Variants in NPSR1 observed in about 807,000 individuals in gnomAD.
The protein encoded by NPSR1 is neuropeptide S receptor 1, also known as neuropeptide S receptor.
NPSR1 carries 48 observed loss-of-function variants against 46.9 expected under a neutral mutation model. The ratio of observed to expected loss-of-function variants is 1.02; its 90% CI spans 0.81 to 1.30. The LOEUF is 1.30. Among genes scored for constraint, NPSR1 ranks in the 50% most tolerant of loss-of-function variants. The pLI is 0.00. For synonymous variants in NPSR1, 176 were observed against 168.1 expected (o/e 1.05, Z -0.36); for missense variants, 450 against 449.5 (o/e 1.00, Z -0.01).
At chr7:34,798,068 C>T (rs1258180402) in intron 3 of NPSR1, among the ~76,000 whole-genome samples, 1 of 151,936 alleles carries the variant, frequency 6.6e-6, no homozygotes, top group African/African-American at 2.4e-5. Context: ...AAATAATAAG[C>T]ACAAATCAAT....
chr7:34,765,260 G>A (rs1022633006), intron 2 of NPSR1, among the ~76,000 whole-genome samples: 3 of 152,070 alleles, frequency 2.0e-5, no homozygotes, highest in African/African-American at 7.2e-5. Flanking sequence ...AAATGCATGA[G>A]ACTCAAAAAG....
chr7:34,852,857 G>A (rs1396880657), downstream of NPSR1, among the ~76,000 whole-genome samples: 3 of 152,138 alleles, frequency 2.0e-5, no homozygotes, highest in African/African-American at 7.2e-5. Flanking sequence ...AAATTTAGGA[G>A]AGCCAGAGTA....
Position 34,790,825 on chromosome 7 carries a change from TTA to T in NPSR1, c.384+12264_384+12265del, listed in dbSNP as rs1787742879. ...GGTTATATGTTATATATGTTATAGGTTATATGTTATGTTATATATATGTTATA... is the reference window on the plus strand; with the variant it reads ...GGTTATATGTTATATATGTTATAGGTTATGTTATGTTATATATATGTTATA... On this transcript the variant is annotated intron_variant, in intron 3 of 8. Coordinates refer to ENST00000360581, the MANE Select transcript of NPSR1 (RefSeq NM_207172.2). 2.2e-5 allele frequency among the ~76,000 whole-genome samples: 3 copies of T among 138,130 alleles called. 1 individual carries two copies. Among genetic ancestry groups the T allele is most frequent in the Non-Finnish European group, 4.6e-5 (3 of 65,286 alleles). The allele number at this position is 138,130 out of a possible 152,430, so 90.6% of individuals were successfully genotyped here.
chr7:34,826,169 G>C (rs906849305), intron 4 of NPSR1, among the ~76,000 whole-genome samples: 2 of 152,120 alleles, frequency 1.3e-5, no homozygotes. Context: ...TGCATGTAAG[G>C]AACAGGAAAG....
At chr7:34,749,435 C>T (rs1042166246) in intron 2 of NPSR1, among the ~76,000 whole-genome samples, 9 of 152,274 alleles carry the variant, frequency 5.9e-5, no homozygotes, top group South Asian at 2.1e-4. Flanking sequence ...GTTCCAAACA[C>T]GTGGGACATT....
Position 34,696,580 on chromosome 7 carries a change from T to G in NPSR1, c.280+11896T>G, listed in dbSNP as rs187518936. On this transcript the variant is annotated intron_variant, in intron 2 of 8. Coordinates refer to ENST00000360581, the MANE Select transcript of NPSR1 (RefSeq NM_207172.2). Reference sequence around the variant, plus strand: ...ACAACTGAAGCTTACAATACAATAGTTAAACTTAGCGGCAAATTAAATGTA... The same window carrying G: ...ACAACTGAAGCTTACAATACAATAGGTAAACTTAGCGGCAAATTAAATGTA... Among the ~76,000 whole-genome samples the G allele has an allele frequency of 2.9e-3, 448 of 152,134 alleles. 2 individuals carry two copies. Among genetic ancestry groups the G allele is most frequent in the African/African-American group, 0.01 (436 of 41,530 alleles).
At position 34,848,786 on chromosome 7, in the gene NPSR1, G is replaced by C. The variant is rs1358261121; in HGVS notation, c.1025+123G>C. The C allele has an allele frequency of 3.6e-6, 3 of 829,972 alleles. No homozygotes were observed. In the African/African-American group the frequency reaches 5.1e-5, roughly 14 times the overall value. 51.4% of individuals were successfully genotyped at this position (829,972 alleles called of 1,614,324 possible). On this transcript the variant is annotated intron_variant, in intron 8 of 8. Coordinates refer to ENST00000360581, the MANE Select transcript of NPSR1 (RefSeq NM_207172.2). ...TACAGGATCCCCCTTTTATAGATGA[G>C]AGGCTTGAGAGTCAGAAAGATTCCA... is the stretch of plus-strand genomic sequence containing the variant.
At chr7:34,710,981 A>G in intron 2 of NPSR1, 1 of 359,048 alleles carries the variant, frequency 2.8e-6, no homozygotes, top group South Asian at 2.5e-5. Flanking sequence ...TAGGATGGCA[A>G]GAAAAGCTGA....
chr7:34,687,357 A>G (rs1792989796), intron 2 of NPSR1, among the ~76,000 whole-genome samples: 1 of 152,214 alleles, frequency 6.6e-6, no homozygotes, highest in African/African-American at 2.4e-5. Context: ...CTGTTCTCAC[A>G]CTGCTATGAA....
intron 2 of NPSR1, chr7:34,750,130 T>A: frequency 3.8e-6 from 1 of 260,668 alleles, no homozygotes; most frequent in Non-Finnish European, 7.3e-6. Flanking sequence ...GTGTATGTAT[T>A]TTTTTTTTTT....
intron 5 of NPSR1, among the ~76,000 whole-genome samples, chr7:34,831,266 T>C (rs1159663949): frequency 1.3e-5 from 2 of 151,832 alleles, no homozygotes; most frequent in Admixed American, 6.6e-5. Context: ...CTCTCTCTAC[T>C]CTTTCTCTCC....
chr7:34,824,997 C>G (rs549039170), intron 4 of NPSR1, among the ~76,000 whole-genome samples: 1 of 152,270 alleles, frequency 6.6e-6, no homozygotes, highest in African/African-American at 2.4e-5. Flanking sequence ...GGGACCAGCT[C>G]CCCTATGCCA....
chr7:34,848,241 G>A (rs986640473), intron 7 of NPSR1, among the ~76,000 whole-genome samples: 1 of 152,186 alleles, frequency 6.6e-6, no homozygotes, highest in Admixed American at 6.5e-5. Context: ...CTTCTTTACA[G>A]ATAGAGAAGC....
At chr7:34,771,878 A>G (rs918604818) in intron 2 of NPSR1, among the ~76,000 whole-genome samples, 1 of 152,204 alleles carries the variant, frequency 6.6e-6, no homozygotes, top group Admixed American at 6.5e-5. Flanking sequence ...TGCCAAGGAT[A>G]TAATAACTGC....
chr7:34,688,365 A>G (rs777174180), intron 2 of NPSR1, among the ~76,000 whole-genome samples: 87 of 152,370 alleles, frequency 5.7e-4, no homozygotes, highest in Non-Finnish European at 1.1e-3. Context: ...GTTGCACAAG[A>G]GATCCATCTA....
chr7:34,841,739 C>T lies in NPSR1; in HGVS notation c.758-3157C>T, dbSNP rs561594636. On this transcript the variant is annotated intron_variant, in intron 6 of 8. Coordinates refer to ENST00000360581, the MANE Select transcript of NPSR1 (RefSeq NM_207172.2). ...ATGATTATACTGTCACCCAGTTGCC[C>T]TGTGGGAAGCACTGCGGGTTTCCAT... Among the ~76,000 whole-genome samples the T allele has an allele frequency of 3.1e-3, 473 of 152,304 alleles. 1 individual carries two copies. Among genetic ancestry groups the T allele is most frequent in the Non-Finnish European group, 5.9e-3 (398 of 68,024 alleles).
chr7:34,863,343 C>A (rs1791234225), intron 8 of NPSR1, among the ~76,000 whole-genome samples: 1 of 151,768 alleles, frequency 6.6e-6, no homozygotes, highest in Non-Finnish European at 1.5e-5. Context: ...GACTAAAACA[C>A]CAAAAGCAAA....
At chr7:34,751,161 A>G in intron 2 of NPSR1, 1 of 1,001,570 alleles carries the variant, frequency 1.0e-6, no homozygotes, top group Non-Finnish European at 1.6e-6. Flanking sequence ...CCTGAAGGTG[A>G]GCATATAGAT....
In NPSR1 at chr7:34,780,152, T is replaced by C. The variant is rs150783478; in HGVS notation, c.384+1587T>C. Among the ~76,000 whole-genome samples the C allele has an allele frequency of 2.0e-4, 31 of 152,332 alleles. No homozygotes were observed. The East Asian group carries it at 4.8e-3, about 24-fold the overall frequency. ...ATTTATGAACTAGTCTCAAAGGTCA[T>C]ACACCATCACTTTCATATGATTATT... is the stretch of plus-strand genomic sequence containing the variant. On this transcript the variant is annotated intron_variant, in intron 3 of 8. Coordinates refer to ENST00000360581, the MANE Select transcript of NPSR1 (RefSeq NM_207172.2).
Sources: allele counts gnomAD v4.1 joint callset (sites outside exome capture counted in the v4.1 genomes callset), GRCh38; gene constraint gnomAD v4.1.1; transcripts MANE v1.5; gene names NCBI Gene and HGNC (gene_info 2026-07-23, HGNC 2026-07-21).